Variants in ROBO1 observed in about 807,000 individuals in gnomAD.
ROBO1 encodes roundabout guidance receptor 1.
In ROBO1, 149 loss-of-function variants were observed where a neutral mutation model predicts 195.9. That is an observed-to-expected ratio of 0.76 (90% CI 0.67 to 0.87). ROBO1 has a LOEUF of 0.87. Among genes scored for constraint, ROBO1 ranks in the 40% least tolerant of loss-of-function variants. The probability of loss-of-function intolerance (pLI) is 0.00; values close to 1 mark genes in which losing one functional copy is unlikely to be tolerated. For missense variants in ROBO1, 1,933 were observed against 2,068.3 expected (o/e 0.93, Z 1.27); for synonymous variants, 816 against 733.2 (o/e 1.11, Z -1.82).
At chr3:78,719,702 A>G (rs980841618) in intron 5 of ROBO1, among the ~76,000 whole-genome samples, 2 of 152,206 alleles carry the variant, frequency 1.3e-5, no homozygotes, top group African/African-American at 2.4e-5. Flanking sequence ...CAATTCTAAC[A>G]TTTGGGTTTA....
At chr3:79,292,597 T>G (rs544265774) in intron 2 of ROBO1, among the ~76,000 whole-genome samples, 1 of 152,336 alleles carries the variant, frequency 6.6e-6, no homozygotes, top group East Asian at 1.9e-4. Context: ...GGGTGTTGAA[T>G]TTTATTGAAG....
At chr3:79,043,242 A>G (rs926877275) in intron 3 of ROBO1, among the ~76,000 whole-genome samples, 8 of 152,144 alleles carry the variant, frequency 5.3e-5, no homozygotes, top group Admixed American at 4.6e-4. Context: ...GCCACATCAA[A>G]TAAAAGGACC....
At chr3:78,980,055 C>T (rs1406040226) in intron 3 of ROBO1, among the ~76,000 whole-genome samples, 1 of 152,066 alleles carries the variant, frequency 6.6e-6, no homozygotes. Flanking sequence ...AATACATGTA[C>T]AAGCATATAA....
At chr3:79,480,835 G>T (rs539536997) in intron 2 of ROBO1, among the ~76,000 whole-genome samples, 1 of 152,014 alleles carries the variant, frequency 6.6e-6, no homozygotes, top group Non-Finnish European at 1.5e-5. Flanking sequence ...TTTGTCTTTA[G>T]ATCATTCTAA....
At chr3:79,728,981 A>T (rs1047155701) in intron 1 of ROBO1, among the ~76,000 whole-genome samples, 6 of 152,150 alleles carry the variant, frequency 3.9e-5, no homozygotes, top group African/African-American at 1.4e-4. Flanking sequence ...TACATAAGAA[A>T]TATATAATCA....
At chr3:79,109,405 G>C (rs1040242598) in intron 3 of ROBO1, among the ~76,000 whole-genome samples, 11 of 151,824 alleles carry the variant, frequency 7.2e-5, no homozygotes, top group African/African-American at 2.7e-4. Flanking sequence ...AAATGTAATA[G>C]ACACTCATTT....
At chr3:78,654,192 A>G (rs1209590893) in intron 18 of ROBO1, among the ~76,000 whole-genome samples, 1 of 152,240 alleles carries the variant, frequency 6.6e-6, no homozygotes, top group Non-Finnish European at 1.5e-5. Context: ...GCAACGTTCA[A>G]TGATGAAGAA....
chr3:79,221,959 AT>A, intron 2 of ROBO1, among the ~76,000 whole-genome samples: 1 of 152,200 alleles, frequency 6.6e-6, no homozygotes, highest in Non-Finnish European at 1.5e-5. Flanking sequence ...TAGTTCTATT[AT>A]GGTAAAAATA....
At chr3:78,870,235 C>T (rs1244095722) in intron 4 of ROBO1, among the ~76,000 whole-genome samples, 2 of 152,152 alleles carry the variant, frequency 1.3e-5, no homozygotes, top group Non-Finnish European at 2.9e-5. Context: ...GAGGTCCTGA[C>T]CCAACCCCGT....
chr3:78,869,533 C>T (rs2035414138), intron 4 of ROBO1, among the ~76,000 whole-genome samples: 1 of 152,138 alleles, frequency 6.6e-6, no homozygotes, highest in Non-Finnish European at 1.5e-5. Flanking sequence ...ACATGGCTCA[C>T]TGCAGCCCCA....
chr3:78,821,703 G>C (rs923375507), intron 4 of ROBO1, among the ~76,000 whole-genome samples: 5 of 151,994 alleles, frequency 3.3e-5, no homozygotes, highest in Admixed American at 1.3e-4. Flanking sequence ...ATGAGTATTT[G>C]GATTTGGCCC....
At chr3:79,595,050 C>T (rs941638904) in intron 1 of ROBO1, among the ~76,000 whole-genome samples, 42 of 151,906 alleles carry the variant, frequency 2.8e-4, no homozygotes, top group African/African-American at 9.6e-4. Flanking sequence ...AGATATAGAT[C>T]CTTTCCACAG....
intron 25 of ROBO1, among the ~76,000 whole-genome samples, chr3:78,630,948 A>G (rs1337280872): frequency 1.3e-5 from 2 of 152,340 alleles, no homozygotes; most frequent in South Asian, 2.1e-4. Flanking sequence ...TTCCATTCTA[A>G]GTTCCAAAAG....
intron 2 of ROBO1, among the ~76,000 whole-genome samples, chr3:79,163,251 T>C (rs1043680834): frequency 3.9e-5 from 6 of 152,140 alleles, no homozygotes; most frequent in Non-Finnish European, 7.4e-5. Flanking sequence ...TCTACCTACC[T>C]ATCTCATGTA....
intron 1 of ROBO1, among the ~76,000 whole-genome samples, chr3:79,615,128 G>A (rs1457735297): frequency 3.3e-5 from 5 of 151,928 alleles, no homozygotes; most frequent in Non-Finnish European, 5.9e-5. Context: ...AGGCACAATC[G>A]ACCGGTGTAA....
At chr3:79,648,881 T>C (rs1030132415) in intron 1 of ROBO1, among the ~76,000 whole-genome samples, 1 of 152,040 alleles carries the variant, frequency 6.6e-6, no homozygotes, top group African/African-American at 2.4e-5. Flanking sequence ...TGCAGGTTTC[T>C]CAATGGCCAT....
intron 2 of ROBO1, among the ~76,000 whole-genome samples, chr3:79,174,571 T>C (rs942256396): frequency 6.6e-6 from 1 of 152,162 alleles, no homozygotes; most frequent in African/African-American, 2.4e-5. Flanking sequence ...TCATAGTCCG[T>C]AATTGTCAAC....
chr3:78,941,972 G>C (rs1167942854), intron 3 of ROBO1, among the ~76,000 whole-genome samples: 1 of 152,102 alleles, frequency 6.6e-6, no homozygotes, highest in African/African-American at 2.4e-5. Flanking sequence ...GATGAGCTAA[G>C]AAGGAATTAG....
chr3:78,790,506 A>G (rs770115565), intron 4 of ROBO1, among the ~76,000 whole-genome samples: 16 of 152,178 alleles, frequency 1.1e-4, no homozygotes, highest in Non-Finnish European at 2.4e-4. Flanking sequence ...TGAACGTACA[A>G]TTGAATTATT....
Sources: allele counts gnomAD v4.1 joint callset (sites outside exome capture counted in the v4.1 genomes callset), GRCh38; gene constraint gnomAD v4.1.1; transcripts MANE v1.5; gene names NCBI Gene and HGNC (gene_info 2026-07-23, HGNC 2026-07-21).